KIF26B: variants seen among roughly 807,000 people sequenced by gnomAD.
KIF26B encodes the protein kinesin-like protein KIF26B.
Under a neutral mutation model 151.2 loss-of-function variants are expected in KIF26B, and 63 were observed. That is an observed-to-expected ratio of 0.42 (90% CI 0.34 to 0.51). The LOEUF is 0.51. KIF26B is among the 20% of genes least tolerant of loss of function. The pLI is 0.07. For missense variants in KIF26B, 2,813 were observed against 2,913.6 expected, an observed-to-expected ratio of 0.97 and a Z score of 0.79; for synonymous variants, 1,357 against 1,262.1, an observed-to-expected ratio of 1.08 and a Z score of -1.59.
At chr1:245,641,171 A>C (rs1010798126) in intron 9 of KIF26B, among the ~76,000 whole-genome samples, 4 of 152,052 alleles carry the variant, frequency 2.6e-5, no homozygotes, top group Non-Finnish European at 5.9e-5. Flanking sequence ...CCTGACCTGT[A>C]AAATTTCTGC....
chr1:245,692,050 T>G (rs1334483676), intron 12 of KIF26B, among the ~76,000 whole-genome samples: 1 of 152,242 alleles, frequency 6.6e-6, no homozygotes, highest in African/African-American at 2.4e-5. Flanking sequence ...AGCCATGGTC[T>G]CTCTGCTGCC....
intron 4 of KIF26B, among the ~76,000 whole-genome samples, chr1:245,538,423 C>T (rs757888856): frequency 2.6e-5 from 4 of 151,196 alleles, no homozygotes; most frequent in African/African-American, 4.9e-5. Context: ...GATCTAGTAG[C>T]GTGAAAGTTT....
intron 4 of KIF26B, among the ~76,000 whole-genome samples, chr1:245,515,671 T>A (rs1429508589): frequency 1.3e-5 from 2 of 152,214 alleles, no homozygotes; most frequent in African/African-American, 4.8e-5. Flanking sequence ...ATATTCTCTT[T>A]TATACCATCC....
At chr1:245,399,388 G>A (rs1053981005) in intron 3 of KIF26B, among the ~76,000 whole-genome samples, 1 of 152,066 alleles carries the variant, frequency 6.6e-6, no homozygotes, top group Non-Finnish European at 1.5e-5. Context: ...AGAAATTTTG[G>A]ATGTACATTA....
At chr1:245,404,510 G>T (rs1284067778) in intron 3 of KIF26B, among the ~76,000 whole-genome samples, 1 of 152,132 alleles carries the variant, frequency 6.6e-6, no homozygotes, top group African/African-American at 2.4e-5. Context: ...AAGCTAGTTG[G>T]TATTGACTTT....
intron 2 of KIF26B, among the ~76,000 whole-genome samples, chr1:245,301,722 C>T (rs927716569): frequency 4.8e-4 from 73 of 152,124 alleles, no homozygotes; most frequent in Admixed American, 4.5e-3. Flanking sequence ...AAATGCTTAC[C>T]GCTAAGTGAA....
intron 2 of KIF26B, among the ~76,000 whole-genome samples, chr1:245,243,535 T>C (rs1357650592): frequency 2.0e-5 from 3 of 152,072 alleles, no homozygotes; most frequent in African/African-American, 7.2e-5. Flanking sequence ...GTGTTTCTCC[T>C]CCCAGTCTGT....
Position 245,488,067 on chromosome 1 carries a change from C to T in KIF26B, c.1167-52700C>T, listed in dbSNP as rs1351481421. ...CCTGCCAAAGTGCTGGGATTACAGG[C>T]ATGAGCTGCCACGCCCGGCCATGTA... On this transcript the variant is annotated intron_variant, in intron 4 of 14. Transcript: ENST00000407071. The surrounding 1 kb of genome is among the most constrained non-coding windows in gnomAD (Gnocchi z 4.6). Among the ~76,000 whole-genome samples the T allele has an allele frequency of 2.0e-5, 3 of 152,100 alleles. No homozygotes were observed. The highest frequency in any genetic ancestry group is 4.4e-5 in the Non-Finnish European group (3 of 68,024).
chr1:245,604,929 A>C (rs1005725354), intron 6 of KIF26B, among the ~76,000 whole-genome samples: 1 of 152,204 alleles, frequency 6.6e-6, no homozygotes. Flanking sequence ...CACACAAGGA[A>C]ACCGAGACTC....
intron 2 of KIF26B, among the ~76,000 whole-genome samples, chr1:245,309,932 A>C (rs1450360944): frequency 6.8e-6 from 1 of 146,624 alleles, no homozygotes; most frequent in African/African-American, 2.5e-5. Flanking sequence ...ATCAATAAAT[A>C]TCTCTCTCTC....
chr1:245,386,550 A>G (rs1377227074), intron 3 of KIF26B, among the ~76,000 whole-genome samples: 1 of 151,170 alleles, frequency 6.6e-6, no homozygotes, highest in Non-Finnish European at 1.5e-5. Context: ...ACCACCCACC[A>G]TACAGGATGT....
In KIF26B at chr1:245,457,161, C is replaced by T. The variant is rs536998504; in HGVS notation, c.1166+37416C>T. On this transcript the variant is annotated intron_variant, in intron 4 of 14. Coordinates refer to ENST00000407071, the MANE Select transcript of KIF26B (RefSeq NM_018012.4). ...GATTACAGGCATGAGCCACTGCACC[C>T]AGCCCATAAATGCTTTTTTAATGAG... Among the ~76,000 whole-genome samples the T allele has an allele frequency of 5.8e-4, 89 of 152,314 alleles. 1 individual carries two copies. In the East Asian group the frequency reaches 7.5e-3, roughly 13 times the overall value.
intron 9 of KIF26B, among the ~76,000 whole-genome samples, chr1:245,622,572 T>C (rs2043675679): frequency 6.6e-6 from 1 of 152,210 alleles, no homozygotes; most frequent in Non-Finnish European, 1.5e-5. Context: ...CACGCTCTGC[T>C]CGCTTTTTGT....
At chr1:245,610,811 A>T (rs2043512647) in intron 8 of KIF26B, among the ~76,000 whole-genome samples, 1 of 152,254 alleles carries the variant, frequency 6.6e-6, no homozygotes, top group South Asian at 2.1e-4. Flanking sequence ...TTTTGAACAC[A>T]AAAGAATCTC....
intron 3 of KIF26B, among the ~76,000 whole-genome samples, chr1:245,377,287 C>T (rs1184266): frequency 0.04 from 6,085 of 152,254 alleles, 129 homozygotes; most frequent in African/African-American, 0.049. Flanking sequence ...AGGTGTCGGC[C>T]GTGCTGTGCT....
At chr1:245,301,355 T>C (rs550859928) in intron 2 of KIF26B, among the ~76,000 whole-genome samples, 45 of 152,360 alleles carry the variant, frequency 3.0e-4, no homozygotes, top group African/African-American at 1.1e-3. Context: ...TGTCCAACTT[T>C]CATTTCCTAT....
chr1:245,579,044 T>G (rs1369755714), intron 5 of KIF26B, among the ~76,000 whole-genome samples: 1 of 151,924 alleles, frequency 6.6e-6, no homozygotes, highest in Non-Finnish European at 1.5e-5. Context: ...GGAAAAAAAG[T>G]CCTTTCTAAA....
At chr1:245,255,350 C>T (rs1670513335) in intron 2 of KIF26B, among the ~76,000 whole-genome samples, 1 of 152,190 alleles carries the variant, frequency 6.6e-6, no homozygotes, top group Non-Finnish European at 1.5e-5. Flanking sequence ...ACTAAGTGTC[C>T]AGCTTCATTA....
chr1:245,687,584 C>T lies in KIF26B; in HGVS notation c.4601C>T (p.Ser1534Phe). 6.4e-7 allele frequency: 1 copy of T among 1,564,440 alleles called. No homozygotes were observed. The highest frequency in any genetic ancestry group is 1.2e-5 in the South Asian group (1 of 84,776). Residue 1534 changes from serine to phenylalanine, a missense_variant, in exon 12 of 15, where the codon TCC (serine) becomes TTC (phenylalanine). Physicochemically the swap from Ser to Phe is radical, Grantham distance 155. Around this residue, in one of 3 missense-constraint regions of KIF26B, gnomAD observed 2,060 missense variants for 2,088.6 expected, o/e 0.99. Transcript: ENST00000407071. The surrounding 1 kb of genome is among the most constrained non-coding windows in gnomAD (Gnocchi z 4.9). ...SPVHPNKSVK[S>F]SSLPRAFQKA... ...GTGCATCCCAACAAAAGCGTCAAGT[C>T]CAGCAGCCTTCCCAGGGCCTTTCAG... is the stretch of plus-strand genomic sequence containing the variant.
Sources: gnomAD v4.1 joint callset for allele counts (sites outside exome capture counted in the v4.1 genomes callset) on GRCh38, gnomAD v4.1.1 for gene constraint, gnomAD v4.1.1 regional missense constraint, Gnocchi (gnomAD v3.1) non-coding constraint, MANE v1.5 for transcripts, NCBI Gene and HGNC (gene_info 2026-07-23, HGNC 2026-07-21) for gene names.